Variants in ATP2B1 observed in about 807,000 individuals in gnomAD.
ATP2B1 encodes plasma membrane calcium-transporting ATPase 1.
ATP2B1 carries 14 observed loss-of-function variants against 124.2 expected under a neutral mutation model. The ratio of observed to expected loss-of-function variants is 0.11; its 90% CI spans 0.07 to 0.18. The LOEUF is 0.18. Among genes scored for constraint, ATP2B1 ranks in the 10% least tolerant of loss-of-function variants. ATP2B1 has a pLI of 1.00. For synonymous variants in ATP2B1, 449 were observed against 492.4 expected (o/e 0.91, Z 1.17); for missense variants, 763 against 1,466.1 (o/e 0.52, Z 7.83).
intron 1 of ATP2B1, among the ~76,000 whole-genome samples, chr12:89,667,259 T>TCCTCCTC (rs1015011510): frequency 4.6e-5 from 7 of 152,178 alleles, no homozygotes; most frequent in Admixed American, 1.3e-4. Context: ...TCAGTCCTCA[T>TCCTCCTC]CCTCCTCTTA....
chr12:89,611,270 T>C lies in ATP2B1; in HGVS notation c.2170A>G (p.Ile724Val), dbSNP rs1877954239. Reference protein sequence around the residue: ...TARAIATKCGILHPGEDFLCL... With the variant: ...TARAIATKCGVLHPGEDFLCL... ...AGAAAATCTTCCCCAGGATGTAAAA[T>C]ACCACATTTGGTAGCAATGGCCCGA... The change falls in exon 13 of 21, where the codon ATT (isoleucine) becomes GTT (valine). Residue 724 changes from isoleucine (I) to valine (V), a missense_variant. This residue lies in a region of ATP2B1 where 392 missense variants were observed against 776.6 expected (regional missense o/e 0.50). Coordinates refer to ENST00000428670, the MANE Select transcript of ATP2B1 (RefSeq NM_001366521.1). The C allele has an allele frequency of 8.7e-6, 14 of 1,612,208 alleles. No homozygotes were observed. Among genetic ancestry groups the C allele is most frequent in the Non-Finnish European group, 1.1e-5 (13 of 1,179,172 alleles).
Position 89,610,401 on chromosome 12 carries a change from T to A in ATP2B1, c.2335+20A>T. 6.3e-7 allele frequency: 1 copy of A among 1,595,484 alleles called. No homozygotes were observed. The highest frequency in any genetic ancestry group is 8.6e-7 in the Non-Finnish European group (1 of 1,164,316). On this transcript the variant is annotated intron_variant, in intron 14 of 20. Transcript: ENST00000428670. Reference sequence around the variant, plus strand: ...ATTTCTGTATTAAGAAATTGTGAAATAACTGAAAAATCTACTTACCTTTAA... The same window carrying A: ...ATTTCTGTATTAAGAAATTGTGAAAAAACTGAAAAATCTACTTACCTTTAA...
chr12:89,627,578 C>T (rs554177827), intron 7 of ATP2B1, 100 bp downstream of exon 7: 3 of 1,351,882 alleles, frequency 2.2e-6, no homozygotes, highest in East Asian at 4.6e-5. Flanking sequence ...TGTTGATTTT[C>T]CCTGCCACAT....
chr12:89,628,891 A>C (rs1192273106), intron 6 of ATP2B1, among the ~76,000 whole-genome samples: 1 of 152,190 alleles, frequency 6.6e-6, no homozygotes, highest in Non-Finnish European at 1.5e-5. Flanking sequence ...GAACTGAGAC[A>C]CATTACCCCG....
intron 1 of ATP2B1, among the ~76,000 whole-genome samples, chr12:89,707,272 T>C (rs185004509): frequency 1.4e-4 from 22 of 152,298 alleles, no homozygotes; most frequent in African/African-American, 5.1e-4. Flanking sequence ...ACACACCCTC[T>C]GCCAGATGAG....
chr12:89,697,803 C>T (rs1891336140), intron 1 of ATP2B1, among the ~76,000 whole-genome samples: 2 of 151,448 alleles, frequency 1.3e-5, no homozygotes, highest in Non-Finnish European at 2.9e-5. Flanking sequence ...GAAAAGTACC[C>T]TCAAATCCTT....
At chr12:89,685,216 G>A (rs960876892) in intron 1 of ATP2B1, among the ~76,000 whole-genome samples, 18 of 152,026 alleles carry the variant, frequency 1.2e-4, no homozygotes, top group African/African-American at 4.1e-4. Context: ...TTATAATAAA[G>A]CCTAGAGTCA....
chr12:89,637,324 A>G (rs1309573038), intron 3 of ATP2B1, among the ~76,000 whole-genome samples: 2 of 152,200 alleles, frequency 1.3e-5, no homozygotes, highest in African/African-American at 4.8e-5. Context: ...GCTGCGAGAC[A>G]TTAAAGCCAA....
chr12:89,611,264 G>A lies in ATP2B1; in HGVS notation c.2176C>T (p.His726Tyr), dbSNP rs1877952394. 4.3e-6 allele frequency: 7 copies of A among 1,611,406 alleles called. No individual in the cohort carries two copies. Among genetic ancestry groups the A allele is most frequent in the Non-Finnish European group, 5.9e-6 (7 of 1,178,958 alleles). ...AGGCACAGAAAATCTTCCCCAGGAT[G>A]TAAAATACCACATTTGGTAGCAATG... Reference protein sequence around the residue: ...RAIATKCGILHPGEDFLCLEG... With the variant: ...RAIATKCGILYPGEDFLCLEG... The change falls in exon 13 of 21, where the codon CAT becomes TAT. Residue 726 changes from histidine (H) to tyrosine (Y), a missense_variant. Transcript: ENST00000428670.
chr12:89,654,811 A>G (rs1213229980), intron 2 of ATP2B1, among the ~76,000 whole-genome samples: 2 of 152,196 alleles, frequency 1.3e-5, no homozygotes, highest in Non-Finnish European at 2.9e-5. Flanking sequence ...TTTGGAATAT[A>G]TACTAATATA....
At chr12:89,684,875 C>T (rs1889779015) in intron 1 of ATP2B1, among the ~76,000 whole-genome samples, 1 of 152,086 alleles carries the variant, frequency 6.6e-6, no homozygotes, top group Non-Finnish European at 1.5e-5. Flanking sequence ...ATTTCCTTGA[C>T]CATTGTTTAC....
At chr12:89,669,434 T>C (rs1287566866) in intron 1 of ATP2B1, among the ~76,000 whole-genome samples, 1 of 152,158 alleles carries the variant, frequency 6.6e-6, no homozygotes, top group Non-Finnish European at 1.5e-5. Flanking sequence ...GACCTGACAC[T>C]AAATCATAAC....
At chr12:89,600,476 T>C (rs1002157506) in intron 19 of ATP2B1, among the ~76,000 whole-genome samples, 1 of 152,192 alleles carries the variant, frequency 6.6e-6, no homozygotes, top group Non-Finnish European at 1.5e-5. Context: ...GTATATCTCT[T>C]ATTTCAGGCA....
chr12:89,640,070 C>A (rs1008260530), intron 3 of ATP2B1, among the ~76,000 whole-genome samples: 51 of 152,174 alleles, frequency 3.4e-4, no homozygotes, highest in African/African-American at 1.2e-3. Context: ...CACCATCATA[C>A]CTTTACATAT....
At chr12:89,638,351 A>T (rs34217226) in intron 3 of ATP2B1, among the ~76,000 whole-genome samples, 7,152 of 152,296 alleles carry the variant, frequency 0.047, 218 homozygotes, top group Non-Finnish European at 0.07. Context: ...TCATTGGGTG[A>T]TGTACCAAGT....
intron 3 of ATP2B1, among the ~76,000 whole-genome samples, chr12:89,636,959 C>T (rs768654539): frequency 1.6e-4 from 24 of 152,124 alleles, no homozygotes; most frequent in Non-Finnish European, 3.2e-4. Flanking sequence ...TGACTCTCCC[C>T]GCTCCATTCC....
At chr12:89,700,012 A>ATT (rs34709694) in intron 1 of ATP2B1, among the ~76,000 whole-genome samples, 1,472 of 133,242 alleles carry the variant, frequency 0.011, 22 homozygotes, top group South Asian at 0.02. Context: ...GCCTGGCTAA[A>ATT]TTTTTTTTTT....
intron 1 of ATP2B1, among the ~76,000 whole-genome samples, chr12:89,659,795 C>CGCCTGTA (rs1211890728): frequency 2.0e-5 from 3 of 151,498 alleles, no homozygotes; most frequent in Non-Finnish European, 2.9e-5. Flanking sequence ...TGGTGGCAGG[C>CGCCTGTA]GCCTGTAGTC....
At position 89,619,694 on chromosome 12, in the gene ATP2B1, T is replaced by C. The variant is rs1879650297; in HGVS notation, c.1829+305A>G. ...CCAGGAGGCTTTTCAAGATTCTGCA[T>C]ATTAAATAACAAGTAAATCGACTTC... On this transcript the variant is annotated intron_variant, in intron 11 of 20. Coordinates refer to ENST00000428670, the MANE Select transcript of ATP2B1 (RefSeq NM_001366521.1). Among the ~76,000 whole-genome samples the C allele has an allele frequency of 2.6e-5, 4 of 151,084 alleles. No individual in the cohort carries two copies. The South Asian group carries it at 8.4e-4, about 32-fold the overall frequency.
Sources: gnomAD v4.1 joint callset for allele counts (sites outside exome capture counted in the v4.1 genomes callset) on GRCh38, gnomAD v4.1.1 for gene constraint, gnomAD v4.1.1 regional missense constraint, MANE v1.5 for transcripts, NCBI Gene and HGNC (gene_info 2026-07-23, HGNC 2026-07-21) for gene names.